TMEM200A: variants seen among roughly 807,000 people sequenced by gnomAD.
TMEM200A encodes the protein two transmembrane C.
In TMEM200A, 12 loss-of-function variants were observed where a neutral mutation model predicts 24.3. The observed-to-expected ratio is 0.49, with a 90% confidence interval of 0.32 to 0.80. The LOEUF is 0.80. Ranked by LOEUF, TMEM200A falls within the 30% of genes least tolerant of loss-of-function variation. The pLI is 0.04. For missense variants in TMEM200A, 545 were observed against 614.4 expected (o/e 0.89, Z 1.19); for synonymous variants, 224 against 224.4 (o/e 1.00, Z 0.02).
At chr6:130,421,687 C>A (rs185109771) in intron 2 of TMEM200A, among the ~76,000 whole-genome samples, 44 of 152,200 alleles carry the variant, frequency 2.9e-4, no homozygotes, top group African/African-American at 9.6e-4. Flanking sequence ...ACCCTTTGAC[C>A]ATCTCCCATT....
At chr6:130,370,278 A>C (rs1778288914) in intron 1 of TMEM200A, among the ~76,000 whole-genome samples, 1 of 152,090 alleles carries the variant, frequency 6.6e-6, no homozygotes, top group Non-Finnish European at 1.5e-5. Context: ...AATCTCCTTG[A>C]AGGGCTCTGA....
At chr6:130,420,857 C>A (rs1392901986) in intron 2 of TMEM200A, among the ~76,000 whole-genome samples, 1 of 152,006 alleles carries the variant, frequency 6.6e-6, no homozygotes, top group African/African-American at 2.4e-5. Flanking sequence ...TCTTTCCCTT[C>A]CTACTCATTT....
chr6:130,395,567 C>T (rs1481508415), intron 2 of TMEM200A, among the ~76,000 whole-genome samples: 1 of 152,098 alleles, frequency 6.6e-6, no homozygotes, highest in Non-Finnish European at 1.5e-5. Context: ...AAGTAGTCAG[C>T]TAAGTAATTT....
chr6:130,412,189 AT>A (rs71762414), intron 2 of TMEM200A, among the ~76,000 whole-genome samples: 48,821 of 134,962 alleles, frequency 0.36, 8,737 homozygotes, highest in African/African-American at 0.55. Context: ...CAGAAGCCTG[AT>A]TTTTTTTTTT....
In TMEM200A at chr6:130,440,950, G is replaced by A. The variant is rs753229064; in HGVS notation, c.528G>A (p.Lys176=). 2 of 1,613,956 alleles carry A rather than the reference G, an allele frequency of 1.2e-6. No homozygotes were observed. Among genetic ancestry groups the A allele is most frequent in the Non-Finnish European group, 1.7e-6 (2 of 1,180,022 alleles). ...TVIDIHTLRI[K]EQRQMNGMYT... The stretch of plus-strand genomic sequence containing the variant: ...TTGACATTCACACGCTAAGAATCAA[G>A]GAGCAAAGGCAAATGAACGGCATGT... The change falls in exon 3 of 3, where the codon AAG becomes AAA. Residue 176 remains lysine, a synonymous_variant. Transcript: ENST00000296978.
intron 2 of TMEM200A, among the ~76,000 whole-genome samples, chr6:130,413,877 C>T (rs1351830515): frequency 2.0e-5 from 3 of 152,038 alleles, no homozygotes; most frequent in South Asian, 4.1e-4. Context: ...AGCTTTTGAA[C>T]GTTATGTGCT....
At chr6:130,419,242 A>G (rs1779525626) in intron 2 of TMEM200A, among the ~76,000 whole-genome samples, 1 of 152,168 alleles carries the variant, frequency 6.6e-6, no homozygotes, top group East Asian at 1.9e-4. Context: ...GCTGCAGATG[A>G]CATGGTTTTA....
At chr6:130,433,050 A>C (rs1779914847) in intron 2 of TMEM200A, among the ~76,000 whole-genome samples, 1 of 152,198 alleles carries the variant, frequency 6.6e-6, no homozygotes, top group Non-Finnish European at 1.5e-5. Context: ...GCATGGCATC[A>C]AATGAGGAAG....
intron 2 of TMEM200A, among the ~76,000 whole-genome samples, chr6:130,416,325 C>G (rs1372966524): frequency 4.8e-5 from 6 of 123,948 alleles, no homozygotes; most frequent in African/African-American, 1.6e-4. Context: ...TTCTCTCTCT[C>G]TGTCTCTCTC....
intron 2 of TMEM200A, among the ~76,000 whole-genome samples, chr6:130,434,758 C>A (rs555631955): frequency 1.3e-5 from 2 of 152,174 alleles, no homozygotes; most frequent in Admixed American, 6.5e-5. Context: ...CTTTTGTCTG[C>A]AAAGGCAAAT....
chr6:130,384,326 G>C (rs992065057), intron 1 of TMEM200A, among the ~76,000 whole-genome samples: 1 of 152,058 alleles, frequency 6.6e-6, no homozygotes, highest in African/African-American at 2.4e-5. Context: ...TTTTATTTTT[G>C]TTTTATTTAT....
At chr6:130,389,115 G>A (rs73614130) in intron 2 of TMEM200A, among the ~76,000 whole-genome samples, 2,453 of 152,176 alleles carry the variant, frequency 0.016, 67 homozygotes, top group African/African-American at 0.052. Flanking sequence ...TTTTAGATTC[G>A]AACTATAGAT....
upstream of TMEM200A, chr6:130,365,547 T>C (rs905802676): frequency 5.1e-6 from 5 of 985,158 alleles, no homozygotes; most frequent in African/African-American, 8.7e-5. Flanking sequence ...CTGCGGTGCC[T>C]GCTCCGGGAA....
chr6:130,371,541 A>C (rs1187239902), intron 1 of TMEM200A, among the ~76,000 whole-genome samples: 2 of 152,164 alleles, frequency 1.3e-5, no homozygotes, highest in African/African-American at 2.4e-5. Flanking sequence ...TCTGATAGGA[A>C]ATGAGAGTGC....
At chr6:130,417,395 T>G (rs377607436) in intron 2 of TMEM200A, among the ~76,000 whole-genome samples, 2 of 152,154 alleles carry the variant, frequency 1.3e-5, no homozygotes, top group East Asian at 3.9e-4. Flanking sequence ...AAAAGTTAGT[T>G]TGAAAATATC....
At chr6:130,403,599 T>A (rs1314932776) in intron 2 of TMEM200A, among the ~76,000 whole-genome samples, 1 of 152,098 alleles carries the variant, frequency 6.6e-6, no homozygotes, top group Non-Finnish European at 1.5e-5. Flanking sequence ...CTATAGTTTT[T>A]GAGTAAATCC....
chr6:130,365,756 G>A (rs1778120125), upstream of TMEM200A: 1 of 985,474 alleles, frequency 1.0e-6, no homozygotes, highest in African/African-American at 1.7e-5. Flanking sequence ...TTTGTCTGCG[G>A]GTGATTTGGG....
At chr6:130,369,009 A>G (rs750248215) in intron 1 of TMEM200A, among the ~76,000 whole-genome samples, 29 of 152,178 alleles carry the variant, frequency 1.9e-4, no homozygotes, top group Admixed American at 2.6e-4. Context: ...GTGTGTGTGT[A>G]GGAGGGTGGT....
At chr6:130,371,453 A>G (rs1311698698) in intron 1 of TMEM200A, among the ~76,000 whole-genome samples, 1 of 152,186 alleles carries the variant, frequency 6.6e-6, no homozygotes, top group Non-Finnish European at 1.5e-5. Context: ...TTTAACCACT[A>G]TGCAAAACTA....
Sources: gnomAD v4.1 joint callset for allele counts (sites outside exome capture counted in the v4.1 genomes callset) on GRCh38, gnomAD v4.1.1 for gene constraint, MANE v1.5 for transcripts, NCBI Gene and HGNC (gene_info 2026-07-23, HGNC 2026-07-21) for gene names.